Variants in KIAA1614 observed in about 807,000 individuals in gnomAD.
KIAA1614 encodes the protein uncharacterized protein KIAA1614.
A neutral mutation model predicts 88.7 loss-of-function variants in KIAA1614; 76 were observed. That is an observed-to-expected ratio of 0.86 (90% CI 0.71 to 1.04). KIAA1614 has a LOEUF of 1.04. Ranked by LOEUF, KIAA1614 falls within the 50% of genes least tolerant of loss-of-function variation. The probability of loss-of-function intolerance (pLI) is 0.00; values close to 1 mark genes in which losing one functional copy is unlikely to be tolerated. For missense variants in KIAA1614, 1,553 were observed against 1,582.5 expected (o/e 0.98, Z 0.32); for synonymous variants, 714 against 675.5 (o/e 1.06, Z -0.88).
chr1:180,927,003 C>A (rs189913924), intron 3 of KIAA1614, among the ~76,000 whole-genome samples: 2 of 152,344 alleles, frequency 1.3e-5, no homozygotes, highest in African/African-American at 4.8e-5. Context: ...TGCTCCCCAG[C>A]AGCCCCAAAA....
rs900371758 is a variant in KIAA1614 at position 180,941,853 on chromosome 1, ATTC to A, written c.3159+574_3159+576del. 1.6e-4 allele frequency among the ~76,000 whole-genome samples: 24 copies of A among 152,016 alleles called. 1 individual carries two copies. Among genetic ancestry groups the A allele is most frequent in the African/African-American group, 5.5e-4 (23 of 41,446 alleles). On this transcript the variant is annotated intron_variant, in intron 7 of 8. Transcript: ENST00000367588. ...GATCTGTCTGCTTTCATCCCTCCTC[ATTC>A]TTCTTTTAACACGCTTGACCCCGGT... is the stretch of plus-strand genomic sequence containing the variant.
intron 2 of KIAA1614, 35 bp downstream of exon 2, chr1:180,917,135 G>A (rs1302895361): frequency 6.5e-7 from 1 of 1,544,738 alleles, no homozygotes; most frequent in Non-Finnish European, 8.9e-7. Context: ...GTGGTGGGGG[G>A]AGCAGGAGGG....
rs767589413 is a variant in KIAA1614, at chr1:180,935,874, A to G, written c.1965A>G (p.Arg655=). ...PRLRLRGSRP[R]GHRWSKKAEA... The stretch of plus-strand genomic sequence containing the variant: ...TGCGACTGCGGGGCTCCAGGCCTCG[A>G]GGCCACAGGTGGTCCAAGAAGGCTG... The change falls in exon 5 of 9, where the codon CGA becomes CGG. Residue 655 remains arginine (R), a synonymous_variant. Transcript: ENST00000367588. The surrounding 1 kb of genome is among the most constrained non-coding windows in gnomAD (Gnocchi z 6.1). The G allele has an allele frequency of 5.6e-6, 9 of 1,613,844 alleles. No homozygotes were observed. The highest frequency in any genetic ancestry group is 5.0e-5 in the Admixed American group (3 of 60,028).
At chr1:180,915,568 G>GA (rs1406349549) in intron 1 of KIAA1614, among the ~76,000 whole-genome samples, 2 of 152,172 alleles carry the variant, frequency 1.3e-5, no homozygotes, top group Non-Finnish European at 2.9e-5. Context: ...AGACTTGGAA[G>GA]AAAAAATTCA....
intron 3 of KIAA1614, among the ~76,000 whole-genome samples, chr1:180,919,876 G>A (rs1653915858): frequency 6.6e-6 from 1 of 152,158 alleles, no homozygotes; most frequent in South Asian, 2.1e-4. Context: ...TCAGAGTTCA[G>A]GCAGGGTGTG....
Position 180,935,339 on chromosome 1 carries a change from G to T in KIAA1614, c.1430G>T (p.Ser477Ile). The T allele has an allele frequency of 6.8e-7, 1 of 1,477,172 alleles. No individual in the cohort carries two copies. 91.5% of individuals were successfully genotyped at this position (1,477,172 alleles called of 1,614,324 possible). ...CAGCAGCGCCAGCGCCAGGTGCTGA[G>T]CACCGTGTTGCAGGCCGCGGACCAG... Reference protein sequence around the residue: ...RLQQRQRQVLSTVLQAADQGP... With the variant: ...RLQQRQRQVLITVLQAADQGP... Residue 477 changes from serine to isoleucine, a missense_variant, in exon 5 of 9, where the codon AGC (serine) becomes ATC (isoleucine). Physicochemically the swap from Ser to Ile is moderately radical, Grantham distance 142. Coordinates refer to ENST00000367588, the MANE Select transcript of KIAA1614 (RefSeq NM_020950.2). This position sits in a 1 kb window ranked among gnomAD's most constrained non-coding sequence, Gnocchi z 6.1.
At position 180,916,230 on chromosome 1, in the gene KIAA1614, C is replaced by T. The variant is rs1388789346; in HGVS notation, c.127C>T (p.Gln43Ter). The change falls in exon 2 of 9, where the codon CAG (glutamine) becomes TAG (stop). Residue 43 changes from glutamine (Q) to a stop codon, truncating the protein, a stop_gained. Coordinates refer to ENST00000367588, the MANE Select transcript of KIAA1614 (RefSeq NM_020950.2). LOFTEE classifies it high-confidence loss of function. ...SAVEWSGPEP[Q>*]LDNGHPPRPW... ...TGTGGAGTGGAGTGGTCCTGAGCCA[C>T]AGCTGGATAACGGACACCCCCCAAG... 2 of 1,613,294 alleles carry T rather than the reference C, an allele frequency of 1.2e-6. No homozygotes were observed. The highest frequency in any genetic ancestry group is 1.7e-6 in the Non-Finnish European group (2 of 1,179,900).
At position 180,935,291 on chromosome 1, in the gene KIAA1614, A is replaced by C; in HGVS notation, c.1382A>C (p.Glu461Ala). The C allele has an allele frequency of 1.3e-6, 2 of 1,500,312 alleles. No homozygotes were observed. Among genetic ancestry groups the C allele is most frequent in the Admixed American group, 2.3e-5 (1 of 43,236 alleles). The allele number at this position is 1,500,312 out of a possible 1,614,324, so 92.9% of individuals were successfully genotyped here. ...RFEDESAREA[E>A]FRHLERLQQR... ...GAGGATGAGTCCGCCCGCGAAGCCGAGTTCCGTCACCTGGAGCGGCTGCAG... is the reference window on the plus strand; with the variant it reads ...GAGGATGAGTCCGCCCGCGAAGCCGCGTTCCGTCACCTGGAGCGGCTGCAG... Residue 461 changes from glutamate to alanine, a missense_variant, in exon 5 of 9, where the codon GAG becomes GCG. Glu to Ala is a moderately radical substitution (Grantham distance 107). Transcript: ENST00000367588. This position sits in a 1 kb window ranked among gnomAD's most constrained non-coding sequence, Gnocchi z 6.1.
intron 3 of KIAA1614, among the ~76,000 whole-genome samples, chr1:180,920,453 G>A (rs566038285): frequency 6.6e-6 from 1 of 152,336 alleles, no homozygotes; most frequent in South Asian, 2.1e-4. Context: ...GGGGGCCCCA[G>A]GACATCAGTC....
At chr1:180,929,932 C>T (rs1332420426) in intron 4 of KIAA1614, among the ~76,000 whole-genome samples, 4 of 152,128 alleles carry the variant, frequency 2.6e-5, no homozygotes, top group East Asian at 3.8e-4. Context: ...TGGAGGGTGC[C>T]GAACTGCTCA....
At position 180,951,049 on chromosome 1, in the gene KIAA1614, C is replaced by T. The variant is rs1654717460; in HGVS notation, c.*5461C>T. On this transcript the variant is annotated 3_prime_UTR_variant, in exon 9 of 9. Coordinates refer to ENST00000367588, the MANE Select transcript of KIAA1614 (RefSeq NM_020950.2). ...GGGCAAAGTGTCCCGGAATACCAGC[C>T]TTACAGCCATTGACCATATATGCCA... 6.6e-6 allele frequency: 1 copy of T among 152,248 alleles called. No individual in the cohort carries two copies. The highest frequency in any genetic ancestry group is 2.1e-4 in the South Asian group (1 of 4,822). The allele number at this position is 152,248 out of a possible 1,614,324, so 9.4% of individuals were successfully genotyped here. A position where few individuals can be genotyped will look rare whatever the true frequency, so the allele number is the denominator to read the frequency against.
At position 180,936,126 on chromosome 1, in the gene KIAA1614, C is replaced by G. The variant is rs772334197; in HGVS notation, c.2217C>G (p.Ser739=). The G allele has an allele frequency of 6.2e-7, 1 of 1,614,168 alleles. No individual in the cohort carries two copies. The highest frequency in any genetic ancestry group is 8.5e-7 in the Non-Finnish European group (1 of 1,180,008). The change falls in exon 5 of 9, where the codon TCC becomes TCG. Residue 739 remains serine, a synonymous_variant. Coordinates refer to ENST00000367588, the MANE Select transcript of KIAA1614 (RefSeq NM_020950.2). ...LGSHQPHPLD[S]RTPCRTAYAT... ...GTCACCAGCCTCACCCTTTGGATTC[C>G]CGGACTCCATGCAGGACAGCCTATG...
Position 180,945,689 on chromosome 1 carries a change from AC to A in KIAA1614, c.*103del. The A allele has an allele frequency of 7.0e-7, 1 of 1,433,010 alleles. No individual in the cohort carries two copies. Among genetic ancestry groups the A allele is most frequent in the Non-Finnish European group, 9.1e-7 (1 of 1,102,918 alleles). The allele number at this position is 1,433,010 out of a possible 1,614,324, so 88.8% of individuals were successfully genotyped here. On this transcript the variant is annotated 3_prime_UTR_variant, in exon 9 of 9. Coordinates refer to ENST00000367588, the MANE Select transcript of KIAA1614 (RefSeq NM_020950.2). The stretch of plus-strand genomic sequence containing the variant: ...TGTCCAGGGCTCTCTAGGAGTCTGC[AC>A]CTGCAGAGCCTTTGCCCTAGGCAAC...
chr1:180,919,093 T>C (rs566276155), intron 3 of KIAA1614, among the ~76,000 whole-genome samples: 3 of 152,300 alleles, frequency 2.0e-5, no homozygotes, highest in African/African-American at 7.2e-5. Context: ...CTCCACCTCC[T>C]GACACCCTCA....
rs372082964 is a variant in KIAA1614, at chr1:180,938,606, C to T, written c.2813C>T (p.Thr938Met). The change falls in exon 6 of 9, where the codon ACG becomes ATG. Residue 938 changes from threonine (T) to methionine (M), a missense_variant. Thr to Met is a moderately conservative substitution (Grantham distance 81, BLOSUM62 -1). Transcript: ENST00000367588. ...GSADVATINS[T>M]GITLSLSSEE... is the part of the protein sequence containing the mutation. ...GCAGATGTTGCCACCATCAACTCCA[C>T]GGGCATCACCCTCTCCCTGTCCTCA... The T allele has an allele frequency of 2.8e-5, 46 of 1,614,096 alleles. No homozygotes were observed. In the East Asian group the frequency reaches 2.9e-4, roughly 10 times the overall value.
intron 3 of KIAA1614, among the ~76,000 whole-genome samples, chr1:180,923,046 T>TA (rs1653989248): frequency 6.6e-6 from 1 of 152,228 alleles, no homozygotes. Context: ...AAGAATGTTA[T>TA]AAAAGACACG....
At chr1:180,920,816 G>A (rs933350494) in intron 3 of KIAA1614, among the ~76,000 whole-genome samples, 1 of 152,130 alleles carries the variant, frequency 6.6e-6, no homozygotes, top group African/African-American at 2.4e-5. Context: ...GGTCAGATGC[G>A]GAGGAGACCC....
chr1:180,943,200 T>C (rs1654509380), intron 7 of KIAA1614, among the ~76,000 whole-genome samples: 1 of 152,122 alleles, frequency 6.6e-6, no homozygotes, highest in African/African-American at 2.4e-5. Flanking sequence ...CTAATTTTTA[T>C]ATTTTTAGTA....
At chr1:180,927,598 T>C (rs188697367) in intron 3 of KIAA1614, among the ~76,000 whole-genome samples, 9 of 152,288 alleles carry the variant, frequency 5.9e-5, no homozygotes, top group Admixed American at 2.0e-4. Context: ...TGGGAGATTG[T>C]GGGTTGCTGT....
Sources: allele counts gnomAD v4.1 joint callset (sites outside exome capture counted in the v4.1 genomes callset), GRCh38; gene constraint gnomAD v4.1.1; non-coding constraint Gnocchi (gnomAD v3.1); transcripts MANE v1.5; gene names NCBI Gene and HGNC (gene_info 2026-07-23, HGNC 2026-07-21).